PHLPP1: variants seen among roughly 807,000 people sequenced by gnomAD.
PHLPP1 encodes the protein PH domain leucine-rich repeat-containing protein phosphatase 1.
A neutral mutation model predicts 117.2 loss-of-function variants in PHLPP1; 42 were observed. The observed-to-expected ratio is 0.36, with a 90% CI of 0.28 to 0.46. PHLPP1 has a LOEUF of 0.46. PHLPP1 is among the 20% of genes least tolerant of loss of function. The pLI is 1.00. For synonymous variants in PHLPP1, 1,042 were observed against 970.7 expected (o/e 1.07, Z -1.37); for missense variants, 2,084 against 2,241.9 (o/e 0.93, Z 1.42).
At position 62,979,040 on chromosome 18, in the gene PHLPP1, C is replaced by T. The variant is rs756213983; in HGVS notation, c.4763C>T (p.Ala1588Val). Residue 1588 changes from alanine (A) to valine (V), a missense_variant, in exon 17 of 17, where the codon GCA becomes GTA. Ala to Val is a moderately conservative substitution (Grantham distance 64). Coordinates refer to ENST00000262719, the MANE Select transcript of PHLPP1 (RefSeq NM_194449.4). ...CAGCAGCACCTGCTTCAGGTGCCAGCAGAGGCCAGTGATGAGGGCATTGTC... is the reference window on the plus strand; with the variant it reads ...CAGCAGCACCTGCTTCAGGTGCCAGTAGAGGCCAGTGATGAGGGCATTGTC... ...EKQQHLLQVP[A>V]EASDEGIVIS... 2 of 1,613,774 alleles carry T rather than the reference C, an allele frequency of 1.2e-6. No homozygotes were observed. Among genetic ancestry groups the T allele is most frequent in the Non-Finnish European group, 1.7e-6 (2 of 1,179,798 alleles).
chr18:62,886,398 C>T (rs183741517), intron 4 of PHLPP1, among the ~76,000 whole-genome samples: 2 of 151,822 alleles, frequency 1.3e-5, no homozygotes, highest in African/African-American at 2.4e-5. Flanking sequence ...GTGATCCAAC[C>T]GAGTAGCTAG....
At chr18:62,758,045 A>G (rs1036659332) in intron 1 of PHLPP1, among the ~76,000 whole-genome samples, 1 of 152,232 alleles carries the variant, frequency 6.6e-6, no homozygotes, top group African/African-American at 2.4e-5. Context: ...GGCAGCATGC[A>G]TTTCGACCCC....
chr18:62,966,063 G>A (rs1910895875), intron 14 of PHLPP1, among the ~76,000 whole-genome samples: 1 of 152,062 alleles, frequency 6.6e-6, no homozygotes, highest in Non-Finnish European at 1.5e-5. Context: ...AGGTTGCCTG[G>A]CTTTGCACCT....
chr18:62,852,207 C>T (rs865996795), intron 3 of PHLPP1, among the ~76,000 whole-genome samples: 1 of 152,004 alleles, frequency 6.6e-6, no homozygotes, highest in Non-Finnish European at 1.5e-5. Context: ...ATATCTTTTT[C>T]CATCTCATTT....
chr18:62,873,680 T>A (rs1915965670), intron 4 of PHLPP1, among the ~76,000 whole-genome samples: 1 of 152,180 alleles, frequency 6.6e-6, no homozygotes, highest in African/African-American at 2.4e-5. Flanking sequence ...GAAGTTGGTA[T>A]TTTAAATGAC....
Position 62,716,662 on chromosome 18 carries a change from G to T in PHLPP1, c.979G>T (p.Glu327Ter). Residue 327 changes from glutamate (E) to a stop codon, truncating the protein, a stop_gained, in exon 1 of 17, where the codon GAG becomes TAG. Transcript: ENST00000262719. LOFTEE classifies it high-confidence loss of function. This position sits in a 1 kb window ranked among gnomAD's most constrained non-coding sequence, Gnocchi z 5.7. ...SPAPSDSSPG[E>*]PFVGGPVSSP... ...AGCGCCCTCGGACTCCAGCCCCGGC[G>T]AGCCGTTCGTTGGGGGCCCTGTCTC... The T allele has an allele frequency of 7.0e-7, 1 of 1,433,520 alleles. No individual in the cohort carries two copies. The highest frequency in any genetic ancestry group is 9.1e-7 in the Non-Finnish European group (1 of 1,094,830). The allele number at this position is 1,433,520 out of a possible 1,614,324, so 88.8% of individuals were successfully genotyped here.
At chr18:62,899,888 C>G (rs916780762) in intron 6 of PHLPP1, among the ~76,000 whole-genome samples, 1 of 152,320 alleles carries the variant, frequency 6.6e-6, no homozygotes, top group East Asian at 1.9e-4. Flanking sequence ...TAGGCTGGCT[C>G]AAACTCTTGG....
Position 62,716,787 on chromosome 18 carries a change from C to A in PHLPP1, c.1104C>A (p.Ser368Arg), listed in dbSNP as rs1484326892. The change falls in exon 1 of 17, where the codon AGC (serine) becomes AGA (arginine). Residue 368 changes from serine (S) to arginine (R), a missense_variant. Ser to Arg is a moderately radical substitution (Grantham distance 110). Coordinates refer to ENST00000262719, the MANE Select transcript of PHLPP1 (RefSeq NM_194449.4). This position sits in a 1 kb window ranked among gnomAD's most constrained non-coding sequence, Gnocchi z 5.7. Reference protein sequence around the residue: ...SVSDRLDPYSSGGGSSSSSEE... With the variant: ...SVSDRLDPYSRGGGSSSSSEE... ...CTGACCGGTTGGACCCCTACAGCAG[C>A]GGCGGCGGCTCCTCGTCGTCGTCGG... is the stretch of plus-strand genomic sequence containing the variant. 3 of 1,526,404 alleles carry A rather than the reference C, an allele frequency of 2.0e-6. No homozygotes were observed. The highest frequency in any genetic ancestry group is 2.6e-6 in the Non-Finnish European group (3 of 1,142,220). 94.6% of individuals were successfully genotyped at this position (1,526,404 alleles called of 1,614,324 possible).
chr18:62,771,569 T>A (rs1316863428), intron 1 of PHLPP1, among the ~76,000 whole-genome samples: 1 of 152,178 alleles, frequency 6.6e-6, no homozygotes, highest in Non-Finnish European at 1.5e-5. Context: ...ACACTGATGA[T>A]GTTGTGTTTT....
intron 12 of PHLPP1, among the ~76,000 whole-genome samples, chr18:62,956,667 T>C (rs1209984469): frequency 6.6e-6 from 1 of 152,162 alleles, no homozygotes; most frequent in Non-Finnish European, 1.5e-5. Flanking sequence ...GTTAGGGTGG[T>C]AGATTTAAGG....
rs925782879 is a variant in PHLPP1 at position 62,839,017 on chromosome 18, T to C, written c.1899+108T>C. ...TGGTTAGTTACACACACTTTTTTTT[T>C]CCTCCCCAGATACTGCCAGTGATTA... On this transcript the variant is annotated intron_variant, in intron 3 of 16. Transcript: ENST00000262719. 6 of 1,184,116 alleles carry C rather than the reference T, an allele frequency of 5.1e-6. No homozygotes were observed. In the East Asian group the frequency reaches 1.2e-4, roughly 24 times the overall value. 73.4% of individuals were successfully genotyped at this position (1,184,116 alleles called of 1,614,324 possible).
chr18:62,965,153 C>G (rs1226433273), intron 14 of PHLPP1, among the ~76,000 whole-genome samples: 1 of 152,180 alleles, frequency 6.6e-6, no homozygotes, highest in Non-Finnish European at 1.5e-5. Context: ...TATATTTTCC[C>G]TTGCTTTTCT....
intron 1 of PHLPP1, among the ~76,000 whole-genome samples, chr18:62,717,550 C>T (rs958313373): frequency 2.6e-5 from 4 of 152,126 alleles, no homozygotes; most frequent in Non-Finnish European, 5.9e-5. Context: ...GGCAAGAGCA[C>T]CTTTAACCAT....
chr18:62,810,338 C>T (rs746564926), intron 1 of PHLPP1, among the ~76,000 whole-genome samples: 1 of 152,154 alleles, frequency 6.6e-6, no homozygotes, highest in Non-Finnish European at 1.5e-5. Flanking sequence ...TGCTTGATCT[C>T]AGGTAAGATT....
intron 1 of PHLPP1, among the ~76,000 whole-genome samples, chr18:62,744,601 C>T (rs1340925693): frequency 6.6e-6 from 1 of 152,148 alleles, no homozygotes; most frequent in Non-Finnish European, 1.5e-5. Flanking sequence ...ATAGTAGGTG[C>T]TCAATTCTTA....
At chr18:62,739,493 T>C (rs889065817) in intron 1 of PHLPP1, among the ~76,000 whole-genome samples, 22 of 152,310 alleles carry the variant, frequency 1.4e-4, no homozygotes, top group South Asian at 6.2e-4. Context: ...AGTTCATTGA[T>C]TGGTACCCTT....
In PHLPP1 at chr18:62,715,911, C is replaced by A; in HGVS notation, c.228C>A (p.Gly76=). The change falls in exon 1 of 17, where the codon GGC becomes GGA. Residue 76 remains glycine, a synonymous_variant. Transcript: ENST00000262719. ...GCGGGGCGCGGGAAGAGGCCCCAGG[C>A]GAGGCGCCGCCGGGGCCGCTGCCGG... The part of the protein sequence containing the change: ...SGSGAREEAP[G]EAPPGPLPGR... The A allele has an allele frequency of 2.1e-6, 2 of 948,350 alleles. No individual in the cohort carries two copies. The highest frequency in any genetic ancestry group is 2.5e-6 in the Non-Finnish European group (2 of 790,218). 58.7% of individuals were successfully genotyped at this position (948,350 alleles called of 1,614,324 possible). A position where few individuals can be genotyped will look rare whatever the true frequency, so the allele number is the denominator to read the frequency against.
chr18:62,891,888 CAAAAAAAAAAAAAA>C (rs574107579), intron 4 of PHLPP1, among the ~76,000 whole-genome samples: 4 of 79,126 alleles, frequency 5.1e-5, no homozygotes, highest in South Asian at 4.9e-4. Flanking sequence ...GACCCTTTCT[CAAAAAAAAAAAAAA>C]AAAAAAAAAA....
At chr18:62,959,973 C>T (rs1465307181) in intron 13 of PHLPP1, among the ~76,000 whole-genome samples, 2 of 152,106 alleles carry the variant, frequency 1.3e-5, no homozygotes. Context: ...CATCTGTCCA[C>T]ACCTATAAGA....
Sources: gnomAD v4.1 joint callset for allele counts (sites outside exome capture counted in the v4.1 genomes callset) on GRCh38, gnomAD v4.1.1 for gene constraint, Gnocchi (gnomAD v3.1) non-coding constraint, MANE v1.5 for transcripts, NCBI Gene and HGNC (gene_info 2026-07-23, HGNC 2026-07-21) for gene names.